PAWR: variants seen among roughly 807,000 people sequenced by gnomAD.
PAWR encodes the protein PRKC apoptosis WT1 regulator protein.
A neutral mutation model predicts 32.0 loss-of-function variants in PAWR; 23 were observed. The ratio of observed to expected loss-of-function variants is 0.72; its 90% CI spans 0.52 to 1.02. PAWR has a LOEUF of 1.02. Ranked by LOEUF, PAWR falls within the 50% of genes least tolerant of loss-of-function variation. The pLI is 0.00. For synonymous variants in PAWR, 226 were observed against 187.1 expected (o/e 1.21, Z -1.70); for missense variants, 457 against 437.7 (o/e 1.04, Z -0.39).
chr12:79,661,514 A>G (rs1877350655), intron 2 of PAWR, among the ~76,000 whole-genome samples: 2 of 152,158 alleles, frequency 1.3e-5, no homozygotes, highest in African/African-American at 2.4e-5. Flanking sequence ...TATCATGGAC[A>G]TGTCACTCTT....
In PAWR at chr12:79,591,301, CA is replaced by C. The variant is rs1411239062; in HGVS notation, c.*1305del. 6.6e-6 allele frequency: 1 copy of C among 151,986 alleles called. No homozygotes were observed. Among genetic ancestry groups the C allele is most frequent in the Non-Finnish European group, 1.5e-5 (1 of 67,998 alleles). 9.4% of individuals were successfully genotyped at this position (151,986 alleles called of 1,614,324 possible). A position where few individuals can be genotyped will look rare whatever the true frequency, so the allele number is the denominator to read the frequency against. On this transcript the variant is annotated 3_prime_UTR_variant, in exon 7 of 7. Coordinates refer to ENST00000328827, the MANE Select transcript of PAWR (RefSeq NM_002583.4). ...CCTTCTCTATTTTTCTAACAGTGAA[CA>C]ATAAAAGGGCTTGGCAAGTGAAGGA...
chr12:79,592,753 CACTT>C (rs1369010493), intron 6 of PAWR, 60 bp from the exon 7 acceptor site: 8 of 638,796 alleles, frequency 1.3e-5, no homozygotes, highest in Admixed American at 3.0e-5. Context: ...GAGATGAAAA[CACTT>C]AATACACATT....
chr12:79,652,715 T>C (rs1876905883), intron 2 of PAWR, among the ~76,000 whole-genome samples: 2 of 152,232 alleles, frequency 1.3e-5, no homozygotes. Flanking sequence ...AGGGACACTG[T>C]GCATTCCTGG....
chr12:79,687,459 G>A (rs1012172641), intron 2 of PAWR, among the ~76,000 whole-genome samples: 4 of 152,126 alleles, frequency 2.6e-5, no homozygotes, highest in African/African-American at 9.7e-5. Flanking sequence ...TGAACTACAT[G>A]TTAATCTACT....
rs1878034241 is a variant in PAWR at position 79,673,914 on chromosome 12, T to C, written c.516+15815A>G. ...GAAAGAAATCAGAGATGACACAAAG[T>C]AATGGAAAAACATCCCATGCTCATG... On this transcript the variant is annotated intron_variant, in intron 2 of 6. Transcript: ENST00000328827. 4.0e-5 allele frequency among the ~76,000 whole-genome samples: 6 copies of C among 151,800 alleles called. No individual in the cohort carries two copies. In the South Asian group the frequency reaches 1.3e-3, roughly 32 times the overall value.
chr12:79,690,264 G>C lies in PAWR; in HGVS notation c.-20C>G. 4.7e-6 allele frequency: 7 copies of C among 1,484,880 alleles called. No individual in the cohort carries two copies. The highest frequency in any genetic ancestry group is 5.3e-6 in the Non-Finnish European group (6 of 1,122,038). The allele number at this position is 1,484,880 out of a possible 1,614,324, so 92.0% of individuals were successfully genotyped here. On this transcript the variant is annotated 5_prime_UTR_variant, in exon 2 of 7. Coordinates refer to ENST00000328827, the MANE Select transcript of PAWR (RefSeq NM_002583.4). Reference sequence around the variant, plus strand: ...CGCCATATTCCCAAAGGGGCCGGTCGGGCTCTCACCTCAGGCCGCCCACCA... The same window carrying C: ...CGCCATATTCCCAAAGGGGCCGGTCCGGCTCTCACCTCAGGCCGCCCACCA...
intron 2 of PAWR, among the ~76,000 whole-genome samples, chr12:79,634,474 A>G (rs1875865190): frequency 6.6e-6 from 1 of 152,106 alleles, no homozygotes; most frequent in African/African-American, 2.4e-5. Flanking sequence ...GGTACACACA[A>G]TGTACATTCA....
Position 79,606,353 on chromosome 12 carries a change from T to C in PAWR, c.683+7222A>G, listed in dbSNP as rs1207386927. On this transcript the variant is annotated intron_variant, in intron 4 of 6. Coordinates refer to ENST00000328827, the MANE Select transcript of PAWR (RefSeq NM_002583.4). ...GAGTGAATTTTTATGGCATTTGAAT[T>C]ACATCTTAATAACAGGGAACAGTAA... Among the ~76,000 whole-genome samples, 7 of 152,168 alleles carry C rather than the reference T, an allele frequency of 4.6e-5. No individual in the cohort carries two copies. The East Asian group carries it at 1.3e-3, about 29-fold the overall frequency.
At chr12:79,650,321 C>A (rs924062043) in intron 2 of PAWR, among the ~76,000 whole-genome samples, 1 of 152,182 alleles carries the variant, frequency 6.6e-6, no homozygotes, top group Non-Finnish European at 1.5e-5. Context: ...GAAGGCTACA[C>A]GCTACATTGA....
In PAWR at chr12:79,629,208, TATA is replaced by T. The variant is rs775469474; in HGVS notation, c.517-8004_517-8002del. 2.6e-5 allele frequency among the ~76,000 whole-genome samples: 4 copies of T among 152,068 alleles called. 1 individual carries two copies. Among genetic ancestry groups the T allele is most frequent in the South Asian group, 2.1e-4 (1 of 4,824 alleles). On this transcript the variant is annotated intron_variant, in intron 2 of 6. Coordinates refer to ENST00000328827, the MANE Select transcript of PAWR (RefSeq NM_002583.4). The stretch of plus-strand genomic sequence containing the variant: ...ACCATTTCAACTGAAAGGCAGAAGT[TATA>T]ATAATAAAAGCAAGACCCAAATATA...
chr12:79,669,998 G>A (rs1877810777), intron 2 of PAWR, among the ~76,000 whole-genome samples: 1 of 152,018 alleles, frequency 6.6e-6, no homozygotes, highest in Non-Finnish European at 1.5e-5. Context: ...ACCACGCTTG[G>A]CCTTTTTTGT....
At position 79,615,481 on chromosome 12, in the gene PAWR, G is replaced by T. The variant is rs1874684233; in HGVS notation, c.649-1872C>A. On this transcript the variant is annotated intron_variant, in intron 3 of 6. Transcript: ENST00000328827. ...GACCCCATAAACACGCTTAGTTCTG[G>T]GGAAGTCATGCCTTGACAGGTGATA... Among the ~76,000 whole-genome samples, 3 of 152,110 alleles carry T rather than the reference G, an allele frequency of 2.0e-5. No individual in the cohort carries two copies. In the South Asian group the frequency reaches 6.2e-4, roughly 32 times the overall value.
chr12:79,660,098 CA>C (rs1877278653), intron 2 of PAWR, among the ~76,000 whole-genome samples: 1 of 152,186 alleles, frequency 6.6e-6, no homozygotes, highest in African/African-American at 2.4e-5. Context: ...AAGCAGTGAG[CA>C]AACATACCAC....
intron 2 of PAWR, among the ~76,000 whole-genome samples, chr12:79,675,558 A>C (rs1480674853): frequency 6.6e-6 from 1 of 152,198 alleles, no homozygotes. Flanking sequence ...ACAGCCATAA[A>C]AAAGAACAAG....
At chr12:79,594,740 G>T (rs1378458291) in intron 5 of PAWR, among the ~76,000 whole-genome samples, 1 of 150,408 alleles carries the variant, frequency 6.6e-6, no homozygotes, top group Non-Finnish European at 1.5e-5. Context: ...TGTATGTATG[G>T]CAGTGTTTCA....
Position 79,596,583 on chromosome 12 carries a change from G to C in PAWR, c.759C>G (p.Asn253Lys). Residue 253 changes from asparagine (N) to lysine (K), a missense_variant, in exon 5 of 7, where the codon AAC becomes AAG. By Grantham distance (94) the Asn-to-Lys change is moderately conservative. Transcript: ENST00000328827. ...GAGTACCTGAAACATTTGCATCCCT[G>C]TTATATCTAGGGAACCCACTTCTAT... ...RTDRSGFPRYNRDANVSGTLV... is the reference protein window; with the variant it reads ...RTDRSGFPRYKRDANVSGTLV... The C allele has an allele frequency of 6.3e-7, 1 of 1,586,330 alleles. No homozygotes were observed. The highest frequency in any genetic ancestry group is 8.6e-7 in the Non-Finnish European group (1 of 1,156,698).
intron 5 of PAWR, 34 bp downstream of exon 5, chr12:79,596,475 TAA>T: frequency 9.5e-7 from 1 of 1,054,390 alleles, no homozygotes. Context: ...AATGGTATAT[TAA>T]TTTTATCAAT....
chr12:79,690,335 GCCAGGAGACGACCT>G lies in PAWR; in HGVS notation c.-105_-92del. 7.4e-7 allele frequency: 1 copy of G among 1,358,344 alleles called. No homozygotes were observed. The highest frequency in any genetic ancestry group is 9.4e-7 in the Non-Finnish European group (1 of 1,059,524). The allele number at this position is 1,358,344 out of a possible 1,614,324, so 84.1% of individuals were successfully genotyped here. Reference sequence around the variant, plus strand: ...TCTTCCTTCCTGCGGCCCCGAGGATGCCAGGAGACGACCTCCAGGAGAGGGACGGCCGCCGCTCC... The same window carrying G: ...TCTTCCTTCCTGCGGCCCCGAGGATGCCAGGAGAGGGACGGCCGCCGCTCC... On this transcript the variant is annotated 5_prime_UTR_variant, in exon 2 of 7. Transcript: ENST00000328827.
chr12:79,602,745 A>G (rs569952565), intron 4 of PAWR, among the ~76,000 whole-genome samples: 1 of 151,438 alleles, frequency 6.6e-6, no homozygotes, highest in East Asian at 1.9e-4. Context: ...ATGGAGCTAC[A>G]GGCATATGCC....
Sources: gnomAD v4.1 joint callset for allele counts (sites outside exome capture counted in the v4.1 genomes callset) on GRCh38, gnomAD v4.1.1 for gene constraint, MANE v1.5 for transcripts, NCBI Gene and HGNC (gene_info 2026-07-23, HGNC 2026-07-21) for gene names.